The following ST6GALNAC5 variants were observed in gnomAD, a reference collection of about 807,000 sequenced individuals.
ST6GALNAC5 encodes ST6 N-acetylgalactosaminide alpha-2,6-sialyltransferase 5, also known as alpha-N-acetylgalactosaminide alpha-2,6-sialyltransferase 5.
A neutral mutation model predicts 33.6 loss-of-function variants in ST6GALNAC5; 27 were observed. That is an observed-to-expected ratio of 0.80 (90% CI 0.59 to 1.11). The LOEUF (loss-of-function observed/expected upper bound fraction) is 1.11. Ranked by LOEUF, ST6GALNAC5 falls within the 50% of genes least tolerant of loss-of-function variation. ST6GALNAC5 has a pLI of 0.00. For synonymous variants in ST6GALNAC5, 194 were observed against 171.2 expected (o/e 1.13, Z -1.04); for missense variants, 428 against 454.0 (o/e 0.94, Z 0.52).
chr1:76,982,391 A>G (rs763735804), intron 2 of ST6GALNAC5, among the ~76,000 whole-genome samples: 4 of 152,244 alleles, frequency 2.6e-5, no homozygotes, highest in African/African-American at 4.8e-5. Context: ...AGCTGAATCA[A>G]TCAAGTGGAA....
At chr1:76,951,989 C>T (rs758545582) in intron 2 of ST6GALNAC5, among the ~76,000 whole-genome samples, 1 of 152,122 alleles carries the variant, frequency 6.6e-6, no homozygotes, top group Non-Finnish European at 1.5e-5. Context: ...AACTTCCTTA[C>T]TGAATCAAAT....
At chr1:76,886,069 A>G (rs931398937) in intron 2 of ST6GALNAC5, among the ~76,000 whole-genome samples, 4 of 152,126 alleles carry the variant, frequency 2.6e-5, no homozygotes, top group Non-Finnish European at 5.9e-5. Flanking sequence ...CTGCTCCGTG[A>G]TGCAATTTCC....
chr1:77,009,815 C>T (rs1650564327), intron 2 of ST6GALNAC5, among the ~76,000 whole-genome samples: 1 of 152,296 alleles, frequency 6.6e-6, no homozygotes, highest in South Asian at 2.1e-4. Context: ...TTTTCTTAGG[C>T]CAAATTGCCA....
chr1:77,045,831 T>C (rs1651989645), intron 3 of ST6GALNAC5, among the ~76,000 whole-genome samples: 1 of 152,102 alleles, frequency 6.6e-6, no homozygotes, highest in Admixed American at 6.5e-5. Flanking sequence ...TGGACAAATC[T>C]AGGTGAAGAA....
intron 2 of ST6GALNAC5, among the ~76,000 whole-genome samples, chr1:76,945,414 A>C (rs1001113107): frequency 6.6e-6 from 1 of 152,154 alleles, no homozygotes; most frequent in African/African-American, 2.4e-5. Context: ...TGCTTTGGGC[A>C]TGCCTTTCAG....
intron 2 of ST6GALNAC5, among the ~76,000 whole-genome samples, chr1:76,901,547 T>C (rs1646817440): frequency 1.3e-5 from 2 of 152,202 alleles, no homozygotes; most frequent in African/African-American, 4.8e-5. Flanking sequence ...TGAGGATAAA[T>C]TATGGTACAT....
At chr1:76,899,205 G>T (rs1420120020) in intron 2 of ST6GALNAC5, among the ~76,000 whole-genome samples, 1 of 152,094 alleles carries the variant, frequency 6.6e-6, no homozygotes. Context: ...AGTTGAAGAG[G>T]TTTTAAGTTC....
chr1:76,937,211 C>T (rs998725344), intron 2 of ST6GALNAC5, among the ~76,000 whole-genome samples: 2 of 151,818 alleles, frequency 1.3e-5, no homozygotes, highest in Non-Finnish European at 2.9e-5. Context: ...TAAACTGACC[C>T]TGCAAGTGGT....
intron 4 of ST6GALNAC5, among the ~76,000 whole-genome samples, chr1:77,059,034 T>G (rs2100480427): frequency 6.6e-6 from 1 of 152,372 alleles, no homozygotes; most frequent in South Asian, 2.1e-4. Context: ...TCTAAAAAGC[T>G]TTGTTGTTAT....
chr1:76,882,294 A>G (rs1359567837), intron 2 of ST6GALNAC5, among the ~76,000 whole-genome samples: 1 of 152,156 alleles, frequency 6.6e-6, no homozygotes, highest in East Asian at 1.9e-4. Context: ...TGTCATGCTT[A>G]ATTATCTGCA....
chr1:76,926,915 T>C (rs1449265299), intron 2 of ST6GALNAC5, among the ~76,000 whole-genome samples: 2 of 152,172 alleles, frequency 1.3e-5, no homozygotes, highest in African/African-American at 2.4e-5. Context: ...TGGTAATTTT[T>C]CATTAATAGT....
intron 4 of ST6GALNAC5, among the ~76,000 whole-genome samples, chr1:77,057,202 C>A (rs1652430699): frequency 6.6e-6 from 1 of 152,184 alleles, no homozygotes; most frequent in South Asian, 2.1e-4. Flanking sequence ...AGACACCATT[C>A]TTTCCTCAGG....
chr1:76,923,670 G>A (rs1647056874), intron 2 of ST6GALNAC5, among the ~76,000 whole-genome samples: 1 of 151,926 alleles, frequency 6.6e-6, no homozygotes, highest in Non-Finnish European at 1.5e-5. Flanking sequence ...TCCAGCCTGG[G>A]AGAGAGAGAG....
intron 2 of ST6GALNAC5, among the ~76,000 whole-genome samples, chr1:77,033,681 C>A (rs1651545896): frequency 6.6e-6 from 1 of 152,082 alleles, no homozygotes. Context: ...AAGCTGAGAC[C>A]TGAGCGATGA....
chr1:76,872,858 A>G (rs1653541657), intron 2 of ST6GALNAC5, among the ~76,000 whole-genome samples: 1 of 152,208 alleles, frequency 6.6e-6, no homozygotes, highest in African/African-American at 2.4e-5. Flanking sequence ...CCCTGTTACC[A>G]CAAAGCATCA....
chr1:76,898,257 T>C (rs1646776532), intron 2 of ST6GALNAC5, among the ~76,000 whole-genome samples: 1 of 152,142 alleles, frequency 6.6e-6, no homozygotes, highest in African/African-American at 2.4e-5. Context: ...GGGAGGAGGT[T>C]CTGGAGGAAC....
intron 2 of ST6GALNAC5, among the ~76,000 whole-genome samples, chr1:76,932,763 T>C (rs1444393849): frequency 6.6e-6 from 1 of 152,076 alleles, no homozygotes; most frequent in Non-Finnish European, 1.5e-5. Context: ...TCATGCCTCT[T>C]GGCTGACAAA....
At chr1:76,956,089 A>G (rs1201574151) in intron 2 of ST6GALNAC5, among the ~76,000 whole-genome samples, 3 of 152,188 alleles carry the variant, frequency 2.0e-5, no homozygotes, top group Non-Finnish European at 4.4e-5. Context: ...GAAAATAAAA[A>G]CTAAAAAAGG....
At chr1:76,954,370 G>C (rs1647869471) in intron 2 of ST6GALNAC5, among the ~76,000 whole-genome samples, 1 of 152,088 alleles carries the variant, frequency 6.6e-6, no homozygotes, top group African/African-American at 2.4e-5. Flanking sequence ...CCACACTGAG[G>C]CCTGTTGGAA....
Sources: gnomAD v4.1 joint callset for allele counts (sites outside exome capture counted in the v4.1 genomes callset) on GRCh38, gnomAD v4.1.1 for gene constraint, MANE v1.5 for transcripts, NCBI Gene and HGNC (gene_info 2026-07-23, HGNC 2026-07-21) for gene names.